KIF13A: variants seen among roughly 807,000 people sequenced by gnomAD.
KIF13A encodes kinesin-like protein KIF13A.
Under a neutral mutation model 212.2 loss-of-function variants are expected in KIF13A, and 79 were observed. That is an observed-to-expected ratio of 0.37 (90% CI 0.31 to 0.45). The LOEUF is 0.45. Among genes scored for constraint, KIF13A ranks in the 20% least tolerant of loss-of-function variants. KIF13A has a pLI of 1.00. For missense variants in KIF13A, 1,901 were observed against 2,209.0 expected (o/e 0.86, Z 2.79); for synonymous variants, 789 against 808.6 (o/e 0.98, Z 0.41).
rs867984004 is a variant in KIF13A at position 17,769,672 on chromosome 6, T to A, written c.4581+1442A>T. Among the ~76,000 whole-genome samples, 3 of 127,326 alleles carry A rather than the reference T, an allele frequency of 2.4e-5. No homozygotes were observed. The highest frequency in any genetic ancestry group is 7.9e-5 in the Admixed American group (1 of 12,698). 83.5% of individuals were successfully genotyped at this position (127,326 alleles called of 152,430 possible). On this transcript the variant is annotated intron_variant, in intron 38 of 38. Transcript: ENST00000259711. The surrounding 1 kb of genome is among the most constrained non-coding windows in gnomAD (Gnocchi z 5.8). ...AATGTATCGTTGCAATAGGTTTAAA[T>A]TGAGTGGCTGTGCACCACAGTGATA...
At position 17,971,389 on chromosome 6, in the gene KIF13A, T is replaced by C. The variant is rs1779790390; in HGVS notation, c.146+15665A>G. ...TCTGGTGTTAAGCTGACCTCTATTT[T>C]ATAATAAAATATTAAAATTTAGTAG... On this transcript the variant is annotated intron_variant, in intron 2 of 38. Coordinates refer to ENST00000259711, the MANE Select transcript of KIF13A (RefSeq NM_022113.6). The surrounding 1 kb of genome is among the most constrained non-coding windows in gnomAD (Gnocchi z 4.2). Among the ~76,000 whole-genome samples, 1 of 152,228 alleles carries C rather than the reference T, an allele frequency of 6.6e-6. No homozygotes were observed. Among genetic ancestry groups the C allele is most frequent in the South Asian group, 2.1e-4 (1 of 4,830 alleles).
rs1318197714 is a variant in KIF13A, at chr6:17,766,213, T to TTA, written c.4582-1268_4582-1267insTA. On this transcript the variant is annotated intron_variant, in intron 38 of 38. Transcript: ENST00000259711. ...CATTTTATTAATTTACTTATTTTATTTTTAAGATTTATTTATTTATTTATT... is the reference window on the plus strand; with the variant it reads ...CATTTTATTAATTTACTTATTTTATTTATTTAAGATTTATTTATTTATTTATT... Among the ~76,000 whole-genome samples, 377 of 144,850 alleles carry TTA rather than the reference T, an allele frequency of 2.6e-3. 2 individuals carry two copies. The highest frequency in any genetic ancestry group is 9.0e-3 in the African/African-American group (361 of 40,174).
intron 6 of KIF13A, among the ~76,000 whole-genome samples, chr6:17,852,886 T>C (rs1767794583): frequency 1.3e-5 from 2 of 152,356 alleles, no homozygotes; most frequent in South Asian, 4.1e-4. Context: ...GAATTGGTTC[T>C]GCTAATGAAA....
At position 17,849,475 on chromosome 6, in the gene KIF13A, T is replaced by C; in HGVS notation, c.732A>G (p.Lys244=). 1 of 1,613,208 alleles carries C rather than the reference T, an allele frequency of 6.2e-7. No homozygotes were observed. Among genetic ancestry groups the C allele is most frequent in the South Asian group, 1.1e-5 (1 of 90,918 alleles). Residue 244 remains lysine (K), a synonymous_variant, in exon 9 of 39, where the codon AAA becomes AAG. Coordinates refer to ENST00000259711, the MANE Select transcript of KIF13A (RefSeq NM_022113.6). The surrounding 1 kb of genome is among the most constrained non-coding windows in gnomAD (Gnocchi z 5.7). ...GGTCTACCAAGCTGACCTTACTGAC[T>C]TTCTCCCCGGAATTCTAGTTATAGG... ...YDLQSGNSGE[K]VSKVSLVDLA...
chr6:17,854,993 GA>G (rs1346148413), intron 6 of KIF13A, among the ~76,000 whole-genome samples: 3 of 152,108 alleles, frequency 2.0e-5, no homozygotes, highest in African/African-American at 7.2e-5. Flanking sequence ...TCTATGGGTG[GA>G]CATCAGGCAA....
rs546404183 is a variant in KIF13A, at chr6:17,808,564, T to C, written c.2163+204A>G. The stretch of plus-strand genomic sequence containing the variant: ...GTCCTTCAGCCACTAAAATTTTGTG[T>C]ATTCTGCTTATTACATATCTAAGAA... On this transcript the variant is annotated intron_variant, in intron 18 of 38. Transcript: ENST00000259711. 2.4e-4 allele frequency among the ~76,000 whole-genome samples: 37 copies of C among 152,338 alleles called. No homozygotes were observed. In the South Asian group the frequency reaches 7.7e-3, roughly 32 times the overall value.
chr6:17,792,019 T>G (rs2150320643), intron 25 of KIF13A, among the ~76,000 whole-genome samples: 1 of 150,708 alleles, frequency 6.6e-6, no homozygotes, highest in Non-Finnish European at 1.5e-5. Flanking sequence ...CTGGCCAACA[T>G]GATGAAACCC....
At chr6:17,759,851 A>T (rs1758508072), downstream of KIF13A, 1 of 152,008 alleles carries the variant, frequency 6.6e-6, no homozygotes, top group Non-Finnish European at 1.5e-5. Flanking sequence ...AACACACAAA[A>T]ATCAACACCT....
intron 30 of KIF13A, 80 bp downstream of exon 30, chr6:17,781,097 C>T: frequency 6.4e-7 from 1 of 1,563,078 alleles, no homozygotes; most frequent in Non-Finnish European, 8.8e-7. Context: ...CCAAAGCAAA[C>T]CATAGCAGTT....
Position 17,829,467 on chromosome 6 carries a change from C to A in KIF13A, c.1402-1097G>T, listed in dbSNP as rs114869473. Among the ~76,000 whole-genome samples the A allele has an allele frequency of 1.3e-5, 2 of 152,124 alleles. No homozygotes were observed. The highest frequency in any genetic ancestry group is 3.9e-4 in the East Asian group (2 of 5,190). Reference sequence around the variant, plus strand: ...CTTTTAGAACTGCTTGCTTACACTGCAAAGTGAGAAATAGGACATCTGATT... The same window carrying A: ...CTTTTAGAACTGCTTGCTTACACTGAAAAGTGAGAAATAGGACATCTGATT... On this transcript the variant is annotated intron_variant, in intron 13 of 38. Coordinates refer to ENST00000259711, the MANE Select transcript of KIF13A (RefSeq NM_022113.6). The surrounding 1 kb of genome is among the most constrained non-coding windows in gnomAD (Gnocchi z 5.4).
rs935999333 is a variant in KIF13A, at chr6:17,871,205, T to C, written c.220+2172A>G. Reference sequence around the variant, plus strand: ...ATGATGTTCTGATATATGTATCCCTTGTGGAATGGCTGAATCAGGCGATTT... The same window carrying C: ...ATGATGTTCTGATATATGTATCCCTCGTGGAATGGCTGAATCAGGCGATTT... On this transcript the variant is annotated intron_variant, in intron 4 of 38. Coordinates refer to ENST00000259711, the MANE Select transcript of KIF13A (RefSeq NM_022113.6). The surrounding 1 kb of genome is among the most constrained non-coding windows in gnomAD (Gnocchi z 4.4). Among the ~76,000 whole-genome samples, 71 of 152,312 alleles carry C rather than the reference T, an allele frequency of 4.7e-4. No individual in the cohort carries two copies. The highest frequency in any genetic ancestry group is 1.6e-3 in the African/African-American group (66 of 41,570).
At chr6:17,803,763 C>T (rs1762679797) in intron 20 of KIF13A, among the ~76,000 whole-genome samples, 1 of 152,092 alleles carries the variant, frequency 6.6e-6, no homozygotes, top group Admixed American at 6.6e-5. Context: ...ATATGGGGCA[C>T]AGAGCTGAAT....
intron 16 of KIF13A, 83 bp from the exon 17 acceptor site, chr6:17,817,316 C>A (rs1384843351): frequency 8.3e-7 from 1 of 1,203,496 alleles, no homozygotes; most frequent in Non-Finnish European, 1.2e-6. Flanking sequence ...CTGTGGGAGG[C>A]TTCCTCTAGC....
chr6:17,963,780 C>T lies in KIF13A; in HGVS notation c.146+23274G>A, dbSNP rs1581876254. ...CCATGTTGGCCAAGCTGGTTTCATA[C>T]TCCTGACCTTGTGATCCGCCCACCT... On this transcript the variant is annotated intron_variant, in intron 2 of 38. Transcript: ENST00000259711. This position sits in a 1 kb window ranked among gnomAD's most constrained non-coding sequence, Gnocchi z 4.1. Among the ~76,000 whole-genome samples the T allele has an allele frequency of 6.6e-6, 1 of 152,184 alleles. No individual in the cohort carries two copies. Among genetic ancestry groups the T allele is most frequent in the East Asian group, 1.9e-4 (1 of 5,186 alleles).
chr6:17,909,116 AATAGTCCTCCTCAATT>A (rs1419836806), intron 2 of KIF13A, among the ~76,000 whole-genome samples: 1 of 152,270 alleles, frequency 6.6e-6, no homozygotes, highest in Non-Finnish European at 1.5e-5. Context: ...TGTTACAACA[AATAGTCCTCCTCAATT>A]ATACACGCAA....
chr6:17,974,983 C>G (rs2150619428), intron 2 of KIF13A, among the ~76,000 whole-genome samples: 1 of 152,262 alleles, frequency 6.6e-6, no homozygotes, highest in South Asian at 2.1e-4. Flanking sequence ...CAGTGCTGGT[C>G]TAGACTAGTT....
At chr6:17,868,363 G>A (rs1207927376) in intron 4 of KIF13A, among the ~76,000 whole-genome samples, 1 of 152,160 alleles carries the variant, frequency 6.6e-6, no homozygotes, top group African/African-American at 2.4e-5. Flanking sequence ...TGCTTTAATT[G>A]CAATCAGCAG....
intron 20 of KIF13A, among the ~76,000 whole-genome samples, chr6:17,803,575 C>T (rs545927849): frequency 6.6e-6 from 1 of 152,256 alleles, no homozygotes; most frequent in Non-Finnish European, 1.5e-5. Context: ...ATCTAAATAG[C>T]TGAAATACCA....
chr6:17,874,977 C>CCA (rs879821124), intron 3 of KIF13A, among the ~76,000 whole-genome samples: 959 of 90,702 alleles, frequency 0.011, 13 homozygotes, highest in South Asian at 0.022. Flanking sequence ...TAGTATTCCA[C>CCA]CACACACACA....
Sources: gnomAD v4.1 joint callset for allele counts (sites outside exome capture counted in the v4.1 genomes callset) on GRCh38, gnomAD v4.1.1 for gene constraint, Gnocchi (gnomAD v3.1) non-coding constraint, MANE v1.5 for transcripts, NCBI Gene and HGNC (gene_info 2026-07-23, HGNC 2026-07-21) for gene names.